MIS18A: variants seen among roughly 807,000 people sequenced by gnomAD.
MIS18A encodes the protein MIS18 kinetochore protein A, also known as protein Mis18-alpha.
A neutral mutation model predicts 25.0 loss-of-function variants in MIS18A; 14 were observed. The observed-to-expected ratio is 0.56, with a 90% CI of 0.37 to 0.88. The LOEUF (loss-of-function observed/expected upper bound fraction) is 0.88. Among genes scored for constraint, MIS18A ranks in the 40% least tolerant of loss-of-function variants. The pLI, the probability that MIS18A is intolerant of heterozygous loss-of-function variation, is 0.00. For synonymous variants in MIS18A, 134 were observed against 118.6 expected (o/e 1.13, Z -0.84); for missense variants, 292 against 290.8 (o/e 1.00, Z -0.03).
the MIS18A span, among the ~76,000 whole-genome samples, chr21:32,233,673 G>A: frequency 5.2e-4 from 79 of 152,182 alleles, 2 homozygotes; most frequent in African/African-American, 1.8e-3. Context: ...GCTGTAATTC[G>A]TTTCATCTTA....
At chr21:32,276,306 A>C (rs2031807781) in intron 1 of MIS18A, among the ~76,000 whole-genome samples, 1 of 151,806 alleles carries the variant, frequency 6.6e-6, no homozygotes, top group South Asian at 2.1e-4. Context: ...TAAAGATACA[A>C]AAAAATTAGC....
chr21:32,159,966 A>T, the MIS18A span, among the ~76,000 whole-genome samples: 349 of 152,300 alleles, frequency 2.3e-3, 1 homozygote, highest in East Asian at 0.015. Context: ...CTGTTAGTTG[A>T]TTATCTCCTG....
At chr21:32,278,461 T>C (rs2031859645) in intron 1 of MIS18A, 1 of 560,648 alleles carries the variant, frequency 1.8e-6, no homozygotes, top group African/African-American at 2.0e-5. Flanking sequence ...ACTGCTCTTC[T>C]GGGATCGGGG....
the MIS18A span, among the ~76,000 whole-genome samples, chr21:32,234,898 A>G: frequency 3.2e-4 from 49 of 152,342 alleles, no homozygotes; most frequent in African/African-American, 1.1e-3. Flanking sequence ...AGAACGGACT[A>G]ACAGTAAGCT....
the MIS18A span, among the ~76,000 whole-genome samples, chr21:32,230,007 A>G: frequency 6.6e-6 from 1 of 152,226 alleles, no homozygotes; most frequent in Admixed American, 6.5e-5. Context: ...GAAATTTTCC[A>G]TTGATTCTCC....
At chr21:32,171,771 T>G in the MIS18A span, among the ~76,000 whole-genome samples, 1 of 152,150 alleles carries the variant, frequency 6.6e-6, no homozygotes, top group South Asian at 2.1e-4. Flanking sequence ...ACTGAAACAT[T>G]GTTATACGGC....
rs2031654748 is a variant in MIS18A, at chr21:32,268,818, C to T, written c.*219G>A. ...GGGTTTTTTTTTTGAGAGAAGGTCT[C>T]ACTCTGTTGCCCAGACTAGAACACA... On this transcript the variant is annotated 3_prime_UTR_variant, in exon 5 of 5. Coordinates refer to ENST00000290130, the MANE Select transcript of MIS18A (RefSeq NM_018944.3). The T allele has an allele frequency of 5.4e-6, 2 of 372,056 alleles. No individual in the cohort carries two copies. Among genetic ancestry groups the T allele is most frequent in the East Asian group, 4.1e-5 (1 of 24,394 alleles). The allele number at this position is 372,056 out of a possible 1,614,324, so 23.0% of individuals were successfully genotyped here. A position where few individuals can be genotyped will look rare whatever the true frequency, so the allele number is the denominator to read the frequency against.
the MIS18A span, among the ~76,000 whole-genome samples, chr21:32,159,906 G>C: frequency 6.6e-6 from 1 of 152,196 alleles, no homozygotes; most frequent in Non-Finnish European, 1.5e-5. Context: ...GCAGACTTTA[G>C]AGAGAGCAGG....
the MIS18A span, among the ~76,000 whole-genome samples, chr21:32,219,583 C>CT: frequency 0.011 from 1,664 of 152,262 alleles, 25 homozygotes; most frequent in African/African-American, 0.037. Flanking sequence ...CTGCAGAAGT[C>CT]TTTTTTCATA....
chr21:32,169,684 CA>C, the MIS18A span, among the ~76,000 whole-genome samples: 710 of 152,242 alleles, frequency 4.7e-3, 7 homozygotes, highest in African/African-American at 0.016. Flanking sequence ...GACACACACA[CA>C]CAGAGCCCCT....
At chr21:32,277,144 G>A (rs2031828137) in intron 1 of MIS18A, among the ~76,000 whole-genome samples, 1 of 152,078 alleles carries the variant, frequency 6.6e-6, no homozygotes, top group Admixed American at 6.5e-5. Flanking sequence ...GGGGTGTGGG[G>A]AGGTGTTAAA....
chr21:32,174,178 T>C, the MIS18A span, among the ~76,000 whole-genome samples: 3 of 152,006 alleles, frequency 2.0e-5, no homozygotes, highest in East Asian at 5.8e-4. Context: ...TTGGTCGGGC[T>C]CATCTCGATC....
the MIS18A span, among the ~76,000 whole-genome samples, chr21:32,205,403 T>C: frequency 1.3e-5 from 2 of 152,064 alleles, no homozygotes; most frequent in Admixed American, 1.3e-4. Flanking sequence ...TTCTTATCTG[T>C]CTCATTCTCC....
chr21:32,204,450 T>C, the MIS18A span, among the ~76,000 whole-genome samples: 3 of 149,522 alleles, frequency 2.0e-5, no homozygotes, highest in African/African-American at 7.4e-5. Context: ...TGAGCCAAGA[T>C]CCCGCCACCG....
chr21:32,245,617 G>A, the MIS18A span, among the ~76,000 whole-genome samples: 1 of 152,186 alleles, frequency 6.6e-6, no homozygotes, highest in Non-Finnish European at 1.5e-5. Flanking sequence ...GAGGCCAATG[G>A]CTAATACTCA....
At chr21:32,203,910 T>C in the MIS18A span, among the ~76,000 whole-genome samples, 1 of 152,008 alleles carries the variant, frequency 6.6e-6, no homozygotes, top group Admixed American at 6.6e-5. Flanking sequence ...TGAGCCACTG[T>C]GCCCAGCCCA....
rs543621073 is a variant in MIS18A, at chr21:32,270,479, A to C, written c.452T>G (p.Val151Gly). 1 of 1,609,804 alleles carries C rather than the reference A, an allele frequency of 6.2e-7. No individual in the cohort carries two copies. The highest frequency in any genetic ancestry group is 8.5e-7 in the Non-Finnish European group (1 of 1,178,362). ...CAGCSLNLGY[V>G]YRCTPKNLDY... is the part of the protein sequence containing the mutation. ...AAGATTCTTGGGCGTGCATCTGTAC[A>C]CGTAGCCAAGATTGAGTGAGCACCC... Residue 151 changes from valine (V) to glycine (G), a missense_variant, in exon 3 of 5, where the codon GTG becomes GGG. Transcript: ENST00000290130.
At chr21:32,198,980 G>C in the MIS18A span, among the ~76,000 whole-genome samples, 1 of 151,858 alleles carries the variant, frequency 6.6e-6, no homozygotes, top group African/African-American at 2.4e-5. Flanking sequence ...GTCAGAACGT[G>C]TATTTCTAAG....
chr21:32,271,915 A>C (rs1037185753), intron 2 of MIS18A, among the ~76,000 whole-genome samples: 4 of 152,218 alleles, frequency 2.6e-5, no homozygotes, highest in Non-Finnish European at 5.9e-5. Flanking sequence ...ATCAGCCAAG[A>C]AAGGACACTC....
Sources: allele counts gnomAD v4.1 joint callset (sites outside exome capture counted in the v4.1 genomes callset), GRCh38; gene constraint gnomAD v4.1.1; transcripts MANE v1.5; gene names NCBI Gene and HGNC (gene_info 2026-07-23, HGNC 2026-07-21).